Variants in AUTS2 observed in about 807,000 individuals in gnomAD.
AUTS2 encodes activator of transcription and developmental regulator AUTS2.
Under a neutral mutation model 112.4 loss-of-function variants are expected in AUTS2, and 17 were observed. That is an observed-to-expected ratio of 0.15 (90% CI 0.10 to 0.23). The LOEUF is 0.23. Among genes scored for constraint, AUTS2 ranks in the 10% least tolerant of loss-of-function variants. The pLI is 1.00. For missense variants in AUTS2, 1,510 were observed against 1,701.6 expected, an observed-to-expected ratio of 0.89 and a Z score of 1.98; for synonymous variants, 751 against 702.7, an observed-to-expected ratio of 1.07 and a Z score of -1.09.
rs547496767 is a variant in AUTS2, at chr7:70,522,998, G to A, written c.690+87217G>A. Among the ~76,000 whole-genome samples the A allele has an allele frequency of 2.6e-5, 4 of 152,288 alleles. No individual in the cohort carries two copies. In the South Asian group the frequency reaches 6.2e-4, roughly 24 times the overall value. ...ACATAATTAATTTAAGAATGAGACC[G>A]CCATTTCTTCAGGATTCAAAGCTGC... On this transcript the variant is annotated intron_variant, in intron 5 of 18. Coordinates refer to ENST00000342771, the MANE Select transcript of AUTS2 (RefSeq NM_015570.4).
rs1789949507 is a variant in AUTS2, at chr7:70,766,413, C to A, written c.1689+79C>A. The stretch of plus-strand genomic sequence containing the variant: ...ATGCAGCACGTGGGACCGGGCTGGG[C>A]AGCGGGGCCACCAGAGATCGAATGG... On this transcript the variant is annotated intron_variant, in intron 9 of 18. Coordinates refer to ENST00000342771, the MANE Select transcript of AUTS2 (RefSeq NM_015570.4). The surrounding 1 kb of genome is among the most constrained non-coding windows in gnomAD (Gnocchi z 4.8). 6.5e-7 allele frequency: 1 copy of A among 1,530,080 alleles called. No homozygotes were observed. 94.8% of individuals were successfully genotyped at this position (1,530,080 alleles called of 1,614,324 possible).
intron 1 of AUTS2, among the ~76,000 whole-genome samples, chr7:69,797,203 A>G (rs1201458946): frequency 6.6e-6 from 1 of 152,226 alleles, no homozygotes; most frequent in Non-Finnish European, 1.5e-5. Flanking sequence ...AGTATTACGC[A>G]GAGCCCAGAT....
intron 2 of AUTS2, among the ~76,000 whole-genome samples, chr7:70,015,421 C>T (rs1799983343): frequency 6.6e-6 from 1 of 152,104 alleles, no homozygotes; most frequent in Non-Finnish European, 1.5e-5. Context: ...AATCTGGCAG[C>T]CATTAAATGA....
intron 4 of AUTS2, among the ~76,000 whole-genome samples, chr7:70,388,156 C>G (rs577597708): frequency 1.3e-5 from 2 of 152,292 alleles, no homozygotes; most frequent in African/African-American, 2.4e-5. Context: ...TTGAAATCCT[C>G]TCATCCTTCA....
At chr7:69,613,932 C>T (rs1338381932) in intron 1 of AUTS2, among the ~76,000 whole-genome samples, 1 of 152,190 alleles carries the variant, frequency 6.6e-6, no homozygotes, top group Non-Finnish European at 1.5e-5. Flanking sequence ...TGTTTCCTTT[C>T]ATTATTCTAA....
intron 1 of AUTS2, among the ~76,000 whole-genome samples, chr7:69,627,773 T>A (rs1199670569): frequency 6.6e-6 from 1 of 152,164 alleles, no homozygotes; most frequent in African/African-American, 2.4e-5. Context: ...GCTTTGCCAC[T>A]ACCTAGCTGT....
chr7:70,720,935 C>T (rs1786613142), intron 6 of AUTS2, among the ~76,000 whole-genome samples: 1 of 152,008 alleles, frequency 6.6e-6, no homozygotes, highest in Non-Finnish European at 1.5e-5. Flanking sequence ...GAGAGATAAG[C>T]AAAGGGGTGT....
At chr7:69,876,262 G>A (rs934947656) in intron 1 of AUTS2, among the ~76,000 whole-genome samples, 1 of 135,262 alleles carries the variant, frequency 7.4e-6, no homozygotes, top group African/African-American at 2.8e-5. Flanking sequence ...GGAGGCAGAG[G>A]TTGCAGTGAG....
intron 1 of AUTS2, among the ~76,000 whole-genome samples, chr7:69,873,044 T>C (rs535027742): frequency 1.5e-3 from 226 of 151,932 alleles, no homozygotes; most frequent in African/African-American, 5.3e-3. Flanking sequence ...GGTTTTACCA[T>C]GTTGGCCAGG....
intron 4 of AUTS2, among the ~76,000 whole-genome samples, chr7:70,143,479 A>T (rs982070024): frequency 6.6e-6 from 1 of 152,240 alleles, no homozygotes; most frequent in African/African-American, 2.4e-5. Flanking sequence ...TTGGCATTAT[A>T]AATCACTGTT....
At chr7:70,309,899 A>G (rs1235641516) in intron 4 of AUTS2, among the ~76,000 whole-genome samples, 1 of 152,054 alleles carries the variant, frequency 6.6e-6, no homozygotes, top group African/African-American at 2.4e-5. Flanking sequence ...AAGAGGGGAG[A>G]GGTAAAGTGA....
intron 1 of AUTS2, among the ~76,000 whole-genome samples, chr7:69,745,062 C>T (rs1467425795): frequency 6.6e-6 from 1 of 152,088 alleles, no homozygotes; most frequent in Non-Finnish European, 1.5e-5. Flanking sequence ...CTTCTTAGTC[C>T]CCATTGCATT....
intron 4 of AUTS2, among the ~76,000 whole-genome samples, chr7:70,286,380 C>T (rs1005143394): frequency 4.6e-5 from 7 of 152,072 alleles, no homozygotes; most frequent in African/African-American, 1.7e-4. Flanking sequence ...GTCGCAGGGT[C>T]CTGCGTGTGT....
At position 70,005,579 on chromosome 7, in the gene AUTS2, C is replaced by T. The variant is rs145544400; in HGVS notation, c.522+106081C>T. Among the ~76,000 whole-genome samples the T allele has an allele frequency of 6.2e-3, 937 of 152,146 alleles. 7 individuals are homozygous for T. The highest frequency in any genetic ancestry group is 0.021 in the African/African-American group (870 of 41,514). On this transcript the variant is annotated intron_variant, in intron 2 of 18. Coordinates refer to ENST00000342771, the MANE Select transcript of AUTS2 (RefSeq NM_015570.4). ...GCTGTTATAACAGGCATGTGCTGTT[C>T]GAGTTCAGGGGAAAGATGCACTTGC...
At chr7:70,265,596 C>A (rs1787380474) in intron 4 of AUTS2, among the ~76,000 whole-genome samples, 1 of 152,046 alleles carries the variant, frequency 6.6e-6, no homozygotes, top group African/African-American at 2.4e-5. Flanking sequence ...TAATTCTTTG[C>A]AATCTATAGT....
intron 15 of AUTS2, 180 bp from the exon 16 acceptor site, chr7:70,784,762 A>C (rs1284626449): frequency 1.6e-5 from 7 of 436,214 alleles, no homozygotes; most frequent in East Asian, 9.8e-5. Flanking sequence ...AAAAAAAAAA[A>C]AAAAAAAAAA....
chr7:69,611,200 C>T (rs564192986), intron 1 of AUTS2, among the ~76,000 whole-genome samples: 3 of 152,242 alleles, frequency 2.0e-5, no homozygotes, highest in East Asian at 1.9e-4. Context: ...GCCAGCATCA[C>T]GTTTTTGTTT....
At chr7:69,784,217 A>G (rs926287550) in intron 1 of AUTS2, among the ~76,000 whole-genome samples, 5 of 152,172 alleles carry the variant, frequency 3.3e-5, no homozygotes, top group African/African-American at 1.2e-4. Flanking sequence ...TTAGTTTTGG[A>G]GAGATCTAGG....
At chr7:70,043,974 G>A (rs1801387925) in intron 2 of AUTS2, among the ~76,000 whole-genome samples, 1 of 152,150 alleles carries the variant, frequency 6.6e-6, no homozygotes, top group Non-Finnish European at 1.5e-5. Context: ...GGTGGGAGTA[G>A]GGGTGGAGAG....
Sources: gnomAD v4.1 joint callset for allele counts (sites outside exome capture counted in the v4.1 genomes callset) on GRCh38, gnomAD v4.1.1 for gene constraint, Gnocchi (gnomAD v3.1) non-coding constraint, MANE v1.5 for transcripts, NCBI Gene and HGNC (gene_info 2026-07-23, HGNC 2026-07-21) for gene names.